Variants in PPWD1 observed in about 807,000 individuals in gnomAD.
The protein encoded by PPWD1 is peptidylprolyl isomerase domain and WD repeat containing 1, also known as peptidylprolyl isomerase domain and WD repeat-containing protein 1.
A neutral mutation model predicts 68.8 loss-of-function variants in PPWD1; 43 were observed. That is an observed-to-expected ratio of 0.62 (90% CI 0.49 to 0.81). PPWD1 has a LOEUF of 0.81. Ranked by LOEUF, PPWD1 falls within the 30% of genes least tolerant of loss-of-function variation. The pLI is 0.00. For synonymous variants in PPWD1, 232 were observed against 258.7 expected (o/e 0.90, Z 0.99); for missense variants, 672 against 804.8 (o/e 0.83, Z 2.00).
chr5:65,585,517 G>C (rs1296694513), intron 9 of PPWD1, among the ~76,000 whole-genome samples: 1 of 152,092 alleles, frequency 6.6e-6, no homozygotes, highest in Non-Finnish European at 1.5e-5. Context: ...TCAGCCCCTG[G>C]ATTTTGTTGA....
intron 7 of PPWD1, 124 bp downstream of exon 7, chr5:65,579,737 A>T: frequency 1.8e-6 from 1 of 570,968 alleles, no homozygotes. Flanking sequence ...AACAACCAGA[A>T]TACCATCTTA....
chr5:65,580,620 T>C (rs1339858008), intron 7 of PPWD1, among the ~76,000 whole-genome samples: 1 of 152,196 alleles, frequency 6.6e-6, no homozygotes, highest in Admixed American at 6.5e-5. Flanking sequence ...TTCCAGCAAT[T>C]CGCCTGCCTC....
At chr5:65,563,709 C>A (rs1752459753) in intron 1 of PPWD1, 1 of 1,399,452 alleles carries the variant, frequency 7.1e-7, no homozygotes, top group East Asian at 2.5e-5. Flanking sequence ...TTGATAATAT[C>A]TAACACTTTT....
chr5:65,583,000 T>C, intron 7 of PPWD1, 38 bp from the exon 8 acceptor site: 1 of 1,469,660 alleles, frequency 6.8e-7, no homozygotes, highest in Non-Finnish European at 9.1e-7. Flanking sequence ...AGATGAAAAC[T>C]TTAATTCGTT....
At chr5:65,574,298 A>C (rs963870476) in intron 5 of PPWD1, among the ~76,000 whole-genome samples, 2 of 152,224 alleles carry the variant, frequency 1.3e-5, no homozygotes, top group Non-Finnish European at 2.9e-5. Flanking sequence ...TTAAGGAGAA[A>C]CATTTATCGG....
At chr5:65,585,849 C>T in intron 9 of PPWD1, 150 bp from the exon 10 acceptor site, 1 of 1,245,732 alleles carries the variant, frequency 8.0e-7, no homozygotes, top group South Asian at 1.9e-5. Context: ...AATACATCAT[C>T]CAAATTTAAG....
chr5:65,586,060 G>C lies in PPWD1; in HGVS notation c.1676G>C (p.Gly559Ala). Residue 559 changes from glycine to alanine, a missense_variant, in exon 10 of 11, where the codon GGA becomes GCA. By Grantham distance (60) the Gly-to-Ala change is moderately conservative (BLOSUM62 0). Coordinates refer to ENST00000261308, the MANE Select transcript of PPWD1 (RefSeq NM_015342.4). Reference sequence around the variant, plus strand: ...GGTATGGGAGGAGAAAGCATATGGGGAGGAGAATTTGAAGATGAATTTCAT... The same window carrying C: ...GGTATGGGAGGAGAAAGCATATGGGCAGGAGAATTTGAAGATGAATTTCAT... ...GTGMGGESIW[G>A]GEFEDEFHST... The C allele has an allele frequency of 6.2e-7, 1 of 1,613,714 alleles. No homozygotes were observed. The highest frequency in any genetic ancestry group is 8.5e-7 in the Non-Finnish European group (1 of 1,179,692).
intron 7 of PPWD1, among the ~76,000 whole-genome samples, chr5:65,582,183 A>C (rs1304091453): frequency 6.6e-6 from 1 of 152,196 alleles, no homozygotes; most frequent in Non-Finnish European, 1.5e-5. Context: ...TTACGTTCCC[A>C]TAATTAAGTT....
chr5:65,581,287 C>A (rs1219960924), intron 7 of PPWD1, among the ~76,000 whole-genome samples: 1 of 151,962 alleles, frequency 6.6e-6, no homozygotes, highest in Admixed American at 6.6e-5. Context: ...AAAAATTACC[C>A]ATAAAAGATA....
intron 1 of PPWD1, among the ~76,000 whole-genome samples, chr5:65,565,518 A>G (rs1421465501): frequency 6.6e-6 from 1 of 152,134 alleles, no homozygotes; most frequent in African/African-American, 2.4e-5. Flanking sequence ...GACAGCCAAT[A>G]GTTGGCCGGG....
At chr5:65,565,067 C>A (rs1016935194) in intron 1 of PPWD1, among the ~76,000 whole-genome samples, 6 of 152,222 alleles carry the variant, frequency 3.9e-5, no homozygotes, top group Non-Finnish European at 8.8e-5. Flanking sequence ...CCTTACAGTG[C>A]ATTATCATTT....
At chr5:65,576,455 C>A (rs1753284225) in intron 5 of PPWD1, 1 of 550,030 alleles carries the variant, frequency 1.8e-6, no homozygotes, top group Non-Finnish European at 2.3e-6. Context: ...CGGCTCACTG[C>A]AGCGTCTGCC....
At chr5:65,576,805 TATAG>T (rs938911194) in intron 5 of PPWD1, 70 bp from the exon 6 acceptor site, 4 of 1,512,672 alleles carry the variant, frequency 2.6e-6, no homozygotes, top group Non-Finnish European at 3.6e-6. Flanking sequence ...TCATTGCATA[TATAG>T]ATAGATGGGT....
chr5:65,571,878 G>T lies in PPWD1; in HGVS notation c.561G>T (p.Gly187=). The part of the protein sequence containing the change: ...PGQCEWIYCP[G]DAISSVAASE... ...AGTGTGAGTGGATCTATTGCCCAGG[G>T]GATGCAATTTCTTCAGTTGCTGCTT... is the stretch of plus-strand genomic sequence containing the variant. Residue 187 remains glycine, a synonymous_variant, in exon 5 of 11, where the codon GGG becomes GGT. Transcript: ENST00000261308. 1 of 1,613,936 alleles carries T rather than the reference G, an allele frequency of 6.2e-7. No homozygotes were observed. Among genetic ancestry groups the T allele is most frequent in the Non-Finnish European group, 8.5e-7 (1 of 1,179,946 alleles).
chr5:65,585,968 A>G, intron 9 of PPWD1, 31 bp from the exon 10 acceptor site: 2 of 1,606,348 alleles, frequency 1.2e-6, no homozygotes, highest in Non-Finnish European at 1.7e-6. Flanking sequence ...CGAAAAGGAC[A>G]ATGTAATGTT....
intron 9 of PPWD1, 52 bp from the exon 10 acceptor site, chr5:65,585,947 C>A (rs974146307): frequency 2.0e-5 from 32 of 1,580,686 alleles, no homozygotes; most frequent in Admixed American, 3.5e-5. Context: ...AACTTCAAAG[C>A]GTACATATAT....
intron 5 of PPWD1, among the ~76,000 whole-genome samples, chr5:65,572,766 C>G (rs779317366): frequency 6.6e-6 from 1 of 152,162 alleles, no homozygotes; most frequent in Non-Finnish European, 1.5e-5. Context: ...TTTTACCCTT[C>G]TGTGTAATTC....
At position 65,567,657 on chromosome 5, in the gene PPWD1, T is replaced by TAA. The variant is rs35529383; in HGVS notation, c.299+54_299+55dup. The TAA allele has an allele frequency of 3.3e-3, 4,430 of 1,355,100 alleles. 1 individual carries two copies. Among genetic ancestry groups the TAA allele is most frequent in the South Asian group, 4.9e-3 (287 of 58,834 alleles). 83.9% of individuals were successfully genotyped at this position (1,355,100 alleles called of 1,614,324 possible). ...TTTTTTACTTTGTTCTGAGTTTATT[T>TAA]AAAAAAAAAAAAAGCTTCAATTTTG... On this transcript the variant is annotated intron_variant, in intron 2 of 10. Coordinates refer to ENST00000261308, the MANE Select transcript of PPWD1 (RefSeq NM_015342.4).
intron 10 of PPWD1, among the ~76,000 whole-genome samples, chr5:65,586,430 A>G (rs1159698899): frequency 6.6e-6 from 1 of 152,056 alleles, no homozygotes; most frequent in Non-Finnish European, 1.5e-5. Context: ...TTCAATCTCA[A>G]CTCTGCCTCT....
Sources: gnomAD v4.1 joint callset for allele counts (sites outside exome capture counted in the v4.1 genomes callset) on GRCh38, gnomAD v4.1.1 for gene constraint, MANE v1.5 for transcripts, NCBI Gene and HGNC (gene_info 2026-07-23, HGNC 2026-07-21) for gene names.